The following MAPK8 variants were observed in gnomAD, a reference collection of about 807,000 sequenced individuals.
MAPK8 encodes JUN N-terminal kinase.
Under a neutral mutation model 52.9 loss-of-function variants are expected in MAPK8, and 13 were observed. The observed-to-expected ratio is 0.25, with a 90% confidence interval of 0.16 to 0.39. MAPK8 has a LOEUF of 0.39. Among genes scored for constraint, MAPK8 ranks in the 10% least tolerant of loss-of-function variants. The probability of loss-of-function intolerance (pLI) is 1.00; values close to 1 mark genes in which losing one functional copy is unlikely to be tolerated. For missense variants in MAPK8, 300 were observed against 519.2 expected, an observed-to-expected ratio of 0.58 and a Z score of 4.10; for synonymous variants, 191 against 169.8, an observed-to-expected ratio of 1.12 and a Z score of -0.97.
At chr10:48,386,283 T>C (rs1314209713) in intron 1 of MAPK8, among the ~76,000 whole-genome samples, 1 of 152,200 alleles carries the variant, frequency 6.6e-6, no homozygotes, top group African/African-American at 2.4e-5. Context: ...TTAACCCAAG[T>C]AGTACACTGT....
chr10:48,372,845 A>G (rs2040408231), intron 1 of MAPK8, among the ~76,000 whole-genome samples: 1 of 152,178 alleles, frequency 6.6e-6, no homozygotes, highest in Non-Finnish European at 1.5e-5. Flanking sequence ...CAACCTAGCA[A>G]GGCAGGCCAG....
chr10:48,424,285 A>T (rs2043538498), intron 7 of MAPK8, 126 bp downstream of exon 7: 1 of 890,992 alleles, frequency 1.1e-6, no homozygotes, highest in Non-Finnish European at 1.7e-6. Context: ...TGTGGCTATT[A>T]TAGTTCAAAA....
At chr10:48,334,073 G>C (rs551779807) in intron 1 of MAPK8, among the ~76,000 whole-genome samples, 28 of 152,298 alleles carry the variant, frequency 1.8e-4, no homozygotes, top group Non-Finnish European at 3.7e-4. Flanking sequence ...GCTGGGGCCT[G>C]CACCTTTCCT....
intron 1 of MAPK8, among the ~76,000 whole-genome samples, chr10:48,396,030 G>C (rs1271817980): frequency 1.3e-5 from 2 of 151,942 alleles, no homozygotes; most frequent in Non-Finnish European, 2.9e-5. Context: ...CAAAAGAGAA[G>C]ATCTTTTTGA....
At chr10:48,365,735 T>G (rs1188573945) in intron 1 of MAPK8, among the ~76,000 whole-genome samples, 1 of 152,180 alleles carries the variant, frequency 6.6e-6, no homozygotes, top group Non-Finnish European at 1.5e-5. Context: ...ATTTTATTAT[T>G]ATTAGCTGTG....
At chr10:48,328,704 A>G (rs987058824) in intron 1 of MAPK8, among the ~76,000 whole-genome samples, 1 of 152,200 alleles carries the variant, frequency 6.6e-6, no homozygotes, top group African/African-American at 2.4e-5. Flanking sequence ...TGTTGATGCT[A>G]GTATTTAATG....
At chr10:48,390,453 C>T (rs2041559845) in intron 1 of MAPK8, among the ~76,000 whole-genome samples, 2 of 152,210 alleles carry the variant, frequency 1.3e-5, no homozygotes. Flanking sequence ...ACCTCAGTGA[C>T]TTATTGCCAG....
At chr10:48,394,692 C>T (rs2041803373) in intron 1 of MAPK8, among the ~76,000 whole-genome samples, 2 of 151,836 alleles carry the variant, frequency 1.3e-5, no homozygotes, top group African/African-American at 4.8e-5. Context: ...ACAGGCACCA[C>T]TTCTATTCGG....
chr10:48,339,023 A>G (rs1343167552), intron 1 of MAPK8, among the ~76,000 whole-genome samples: 1 of 152,184 alleles, frequency 6.6e-6, no homozygotes, highest in Non-Finnish European at 1.5e-5. Flanking sequence ...GCAATCTACA[A>G]CTTCAATATA....
At chr10:48,377,139 T>G (rs1589122471) in intron 1 of MAPK8, among the ~76,000 whole-genome samples, 1 of 151,916 alleles carries the variant, frequency 6.6e-6, no homozygotes, top group African/African-American at 2.4e-5. Context: ...CACCGCATGT[T>G]GCCACTTCTA....
intron 1 of MAPK8, among the ~76,000 whole-genome samples, chr10:48,388,440 T>G (rs1464762274): frequency 6.6e-6 from 1 of 152,202 alleles, no homozygotes. Flanking sequence ...AGTCCTTCAT[T>G]CAACTAAAGT....
intron 1 of MAPK8, among the ~76,000 whole-genome samples, chr10:48,315,277 A>G (rs1343536555): frequency 6.6e-6 from 1 of 152,222 alleles, no homozygotes; most frequent in Non-Finnish European, 1.5e-5. Context: ...ATGCACAGCT[A>G]GATGCACAAG....
At chr10:48,315,938 G>C (rs1443702163) in intron 1 of MAPK8, among the ~76,000 whole-genome samples, 1 of 151,988 alleles carries the variant, frequency 6.6e-6, no homozygotes, top group Non-Finnish European at 1.5e-5. Context: ...CTGTTTATCT[G>C]TTGAGTATTT....
rs187350108 is a variant in MAPK8, at chr10:48,372,591, T to C, written c.-49-29021T>C. On this transcript the variant is annotated intron_variant, in intron 1 of 11. Coordinates refer to ENST00000374189, the MANE Select transcript of MAPK8 (RefSeq NM_001323329.2). ...TTTGTGAAGCATACACAAGTATCAA[T>C]AGCTGAATCGATCAAGTGGAAGAAA... Among the ~76,000 whole-genome samples, 749 of 151,334 alleles carry C rather than the reference T, an allele frequency of 4.9e-3. 10 individuals carry two copies. The highest frequency in any genetic ancestry group is 0.017 in the African/African-American group (690 of 41,146).
intron 5 of MAPK8, among the ~76,000 whole-genome samples, chr10:48,414,327 G>T (rs907686083): frequency 9.9e-5 from 15 of 151,800 alleles, no homozygotes; most frequent in African/African-American, 3.6e-4. Context: ...TATAATTTGG[G>T]TTGTTACCAC....
At chr10:48,313,037 T>C (rs1423173707) in intron 1 of MAPK8, among the ~76,000 whole-genome samples, 2 of 152,234 alleles carry the variant, frequency 1.3e-5, no homozygotes, top group Admixed American at 6.5e-5. Context: ...AAGGCTTTTT[T>C]TGCAGTTGTG....
At chr10:48,337,791 C>A (rs1217302741) in intron 1 of MAPK8, among the ~76,000 whole-genome samples, 3 of 152,024 alleles carry the variant, frequency 2.0e-5, no homozygotes, top group Non-Finnish European at 2.9e-5. Flanking sequence ...CATAGAAATA[C>A]AAAGATCCTT....
At chr10:48,367,046 A>G (rs982085664) in intron 1 of MAPK8, among the ~76,000 whole-genome samples, 5 of 152,206 alleles carry the variant, frequency 3.3e-5, no homozygotes, top group South Asian at 2.1e-4. Context: ...TGATTGAGGT[A>G]TCATGGTTAT....
intron 1 of MAPK8, among the ~76,000 whole-genome samples, chr10:48,399,468 CT>C (rs2042050273): frequency 6.6e-6 from 1 of 152,182 alleles, no homozygotes; most frequent in South Asian, 2.1e-4. Context: ...GGAGTTGTGA[CT>C]ATCCATGCTC....
Sources: allele counts gnomAD v4.1 joint callset (sites outside exome capture counted in the v4.1 genomes callset), GRCh38; gene constraint gnomAD v4.1.1; transcripts MANE v1.5; gene names NCBI Gene and HGNC (gene_info 2026-07-23, HGNC 2026-07-21).